The following ZNF407 variants were observed in gnomAD, a reference collection of about 807,000 sequenced individuals.
ZNF407 encodes zinc finger protein 407.
A neutral mutation model predicts 131.2 loss-of-function variants in ZNF407; 17 were observed. The ratio of observed to expected loss-of-function variants is 0.13; its 90% CI spans 0.09 to 0.19. The LOEUF is 0.19. Among genes scored for constraint, ZNF407 ranks in the 10% least tolerant of loss-of-function variants. ZNF407 has a pLI of 1.00. For missense variants in ZNF407, 2,681 were observed against 2,830.6 expected, an observed-to-expected ratio of 0.95 and a Z score of 1.20; for synonymous variants, 1,156 against 1,062.0, an observed-to-expected ratio of 1.09 and a Z score of -1.72.
intron 8 of ZNF407, among the ~76,000 whole-genome samples, chr18:75,046,751 T>C (rs1234069840): frequency 6.7e-6 from 1 of 149,302 alleles, no homozygotes; most frequent in African/African-American, 2.5e-5. Context: ...AGAGTTGAAT[T>C]GAAGACAATG....
At chr18:74,640,892 G>C (rs1046883209) in intron 2 of ZNF407, 116 bp from the exon 3 acceptor site, 9 of 700,874 alleles carry the variant, frequency 1.3e-5, no homozygotes, top group Non-Finnish European at 2.0e-5. Flanking sequence ...ATTCCATTTT[G>C]GGTACAGAAA....
At chr18:74,983,457 G>A (rs1040583576) in intron 8 of ZNF407, among the ~76,000 whole-genome samples, 9 of 151,816 alleles carry the variant, frequency 5.9e-5, no homozygotes, top group African/African-American at 1.2e-4. Flanking sequence ...TATAACAACC[G>A]TGATATTCTG....
chr18:74,627,456 C>A (rs1332542730), intron 1 of ZNF407, among the ~76,000 whole-genome samples: 2 of 152,172 alleles, frequency 1.3e-5, no homozygotes, highest in Non-Finnish European at 2.9e-5. Context: ...GAATAGCAAA[C>A]CAATGCTTTA....
rs573955076 is a variant in ZNF407, at chr18:74,676,388, C to T, written c.4802+35266C>T. ...ATTATAGGCATGAGCCACTGTGTCC[C>T]GGCCTAGAATATTGTTTTCTTTGCC... On this transcript the variant is annotated intron_variant, in intron 3 of 8. Coordinates refer to ENST00000299687, the MANE Select transcript of ZNF407 (RefSeq NM_017757.3). Among the ~76,000 whole-genome samples the T allele has an allele frequency of 7.8e-4, 118 of 151,442 alleles. 1 individual carries two copies. Among genetic ancestry groups the T allele is most frequent in the Middle Eastern group, 3.4e-3 (1 of 292 alleles).
At chr18:74,816,193 A>C (rs1970265473) in intron 4 of ZNF407, among the ~76,000 whole-genome samples, 1 of 152,098 alleles carries the variant, frequency 6.6e-6, no homozygotes, top group African/African-American at 2.4e-5. Context: ...ATCATATTAT[A>C]TTTCTGGTTA....
At chr18:74,704,913 A>ATAG (rs1401032628) in intron 3 of ZNF407, among the ~76,000 whole-genome samples, 2 of 152,214 alleles carry the variant, frequency 1.3e-5, no homozygotes, top group African/African-American at 4.8e-5. Context: ...TGTCTCATTA[A>ATAG]TAGTAGGCTT....
At position 74,957,399 on chromosome 18, in the gene ZNF407, T is replaced by C. The variant is rs146658538; in HGVS notation, c.5428+36707T>C. ...GTTGCATTTTTTAATTACGTTAACT[T>C]ACGGGGTTTTTTGGAATAATTCACT... On this transcript the variant is annotated intron_variant, in intron 8 of 8. Coordinates refer to ENST00000299687, the MANE Select transcript of ZNF407 (RefSeq NM_017757.3). Among the ~76,000 whole-genome samples the C allele has an allele frequency of 4.4e-3, 668 of 152,154 alleles. 4 individuals are homozygous for C. The highest frequency in any genetic ancestry group is 0.015 in the African/African-American group (614 of 41,506).
At chr18:74,653,964 T>A (rs575592317) in intron 3 of ZNF407, among the ~76,000 whole-genome samples, 71 of 151,982 alleles carry the variant, frequency 4.7e-4, no homozygotes, top group African/African-American at 1.5e-3. Flanking sequence ...TCCATCGATA[T>A]AATTTTAATG....
intron 1 of ZNF407, among the ~76,000 whole-genome samples, chr18:74,600,356 A>G (rs1982526652): frequency 1.3e-5 from 2 of 152,146 alleles, no homozygotes; most frequent in South Asian, 4.1e-4. Flanking sequence ...TGCTGGTGAC[A>G]TTGCCACTGG....
intron 8 of ZNF407, among the ~76,000 whole-genome samples, chr18:74,979,599 A>G (rs990582806): frequency 2.0e-5 from 3 of 152,166 alleles, no homozygotes; most frequent in African/African-American, 7.2e-5. Flanking sequence ...GCTAAGAATT[A>G]TATTTTTAAT....
chr18:74,673,833 A>G (rs1460634141), intron 3 of ZNF407, among the ~76,000 whole-genome samples: 3 of 152,176 alleles, frequency 2.0e-5, no homozygotes, highest in African/African-American at 7.2e-5. Context: ...ATTGTTATTT[A>G]CTTAAAGTTT....
At chr18:74,660,950 A>G (rs1361033250) in intron 3 of ZNF407, among the ~76,000 whole-genome samples, 1 of 152,200 alleles carries the variant, frequency 6.6e-6, no homozygotes, top group Non-Finnish European at 1.5e-5. Context: ...AAGGCAACTG[A>G]AAGTTAAGAA....
chr18:75,051,462 T>C (rs901319066), intron 8 of ZNF407, among the ~76,000 whole-genome samples: 1 of 152,186 alleles, frequency 6.6e-6, no homozygotes, highest in African/African-American at 2.4e-5. Flanking sequence ...GATCATTGCC[T>C]TTCTCTCCCA....
intron 4 of ZNF407, among the ~76,000 whole-genome samples, chr18:74,839,530 A>T (rs753011895): frequency 6.6e-6 from 1 of 152,196 alleles, no homozygotes; most frequent in Non-Finnish European, 1.5e-5. Context: ...GAAGATGAGA[A>T]TGTCCCTCTC....
chr18:74,728,054 A>G (rs1968202027), intron 3 of ZNF407, among the ~76,000 whole-genome samples: 1 of 152,070 alleles, frequency 6.6e-6, no homozygotes, highest in Admixed American at 6.5e-5. Context: ...GTGGTTATTC[A>G]TAGTTGTTGT....
chr18:74,898,409 T>C (rs903826406), intron 7 of ZNF407: 1 of 152,232 alleles, frequency 6.6e-6, no homozygotes, highest in African/African-American at 2.4e-5. Flanking sequence ...AAGAACTACT[T>C]CTGAGGTTTT....
chr18:74,638,406 T>C (rs189954090), intron 2 of ZNF407, among the ~76,000 whole-genome samples: 1 of 152,298 alleles, frequency 6.6e-6, no homozygotes, highest in African/African-American at 2.4e-5. Flanking sequence ...TTTGAATGTT[T>C]AGGGAGGATT....
chr18:74,761,983 G>A (rs75557190), intron 3 of ZNF407, among the ~76,000 whole-genome samples: 3,316 of 152,190 alleles, frequency 0.022, 45 homozygotes, highest in Non-Finnish European at 0.035. Context: ...CACAGTGTAA[G>A]AAAGTTATAG....
rs766034919 is a variant in ZNF407 at position 74,634,056 on chromosome 18, G to C, written c.3037G>C (p.Gly1013Arg). Reference sequence around the variant, plus strand: ...TGTGTACTCCCAGAGAGATGTTACAGGCACAGGTGAGAATAAGTGTTTGCA... The same window carrying C: ...TGTGTACTCCCAGAGAGATGTTACACGCACAGGTGAGAATAAGTGTTTGCA... The part of the protein sequence containing the change: ...GDVYSQRDVT[G>R]TGENKCLHCE... The change falls in exon 2 of 9, where the codon GGC becomes CGC. Residue 1013 changes from glycine (G) to arginine (R), a missense_variant. Transcript: ENST00000299687. 2 of 1,614,050 alleles carry C rather than the reference G, an allele frequency of 1.2e-6. No homozygotes were observed. The highest frequency in any genetic ancestry group is 2.2e-5 in the South Asian group (2 of 91,072).
Sources: allele counts gnomAD v4.1 joint callset (sites outside exome capture counted in the v4.1 genomes callset), GRCh38; gene constraint gnomAD v4.1.1; transcripts MANE v1.5; gene names NCBI Gene and HGNC (gene_info 2026-07-23, HGNC 2026-07-21).